Variants in ANO10 observed in about 807,000 individuals in gnomAD.
The protein encoded by ANO10 is anoctamin-10.
ANO10 carries 77 observed loss-of-function variants against 74.7 expected under a neutral mutation model. The ratio of observed to expected loss-of-function variants is 1.03; its 90% confidence interval spans 0.86 to 1.25. The LOEUF (loss-of-function observed/expected upper bound fraction) is 1.25, where lower values mean the gene tolerates loss of function less well. ANO10 is among the 50% of genes most tolerant of loss of function. The pLI, the probability that ANO10 is intolerant of heterozygous loss-of-function variation, is 0.00. For synonymous variants in ANO10, 279 were observed against 284.9 expected (o/e 0.98, Z 0.21); for missense variants, 721 against 778.1 (o/e 0.93, Z 0.87).
Position 43,533,412 on chromosome 3 carries a change from C to G in ANO10, c.1797+16308G>C, listed in dbSNP as rs547383756. Reference sequence around the variant, plus strand: ...TTTTATGCAGCTTATTAAAAAAACACTCGAAAGCTCCCTAATCCAATGCAT... The same window carrying G: ...TTTTATGCAGCTTATTAAAAAAACAGTCGAAAGCTCCCTAATCCAATGCAT... On this transcript the variant is annotated intron_variant, in intron 11 of 12. Transcript: ENST00000292246. Among the ~76,000 whole-genome samples, 7 of 152,298 alleles carry G rather than the reference C, an allele frequency of 4.6e-5. No homozygotes were observed. In the East Asian group the frequency reaches 1.3e-3, roughly 29 times the overall value.
chr3:43,510,858 GT>G (rs2077482695), intron 11 of ANO10, among the ~76,000 whole-genome samples: 1 of 152,044 alleles, frequency 6.6e-6, no homozygotes, highest in Non-Finnish European at 1.5e-5. Context: ...GTCAGCCAGG[GT>G]TTACATTCTG....
chr3:43,580,557 C>G, intron 4 of ANO10, 85 bp from the exon 5 acceptor site: 1 of 1,546,654 alleles, frequency 6.5e-7, no homozygotes, highest in Non-Finnish European at 8.8e-7. Context: ...AAGGACACTC[C>G]ACAGAGGAGT....
intron 11 of ANO10, among the ~76,000 whole-genome samples, chr3:43,451,206 A>G (rs2074852873): frequency 6.6e-6 from 1 of 152,206 alleles, no homozygotes; most frequent in Admixed American, 6.5e-5. Flanking sequence ...GAGATGTCCC[A>G]TCAGAACTGA....
intron 12 of ANO10, among the ~76,000 whole-genome samples, chr3:43,405,778 GTTT>G (rs1243938867): frequency 6.6e-6 from 1 of 152,094 alleles, no homozygotes; most frequent in African/African-American, 2.4e-5. Context: ...CCAGCCTGTA[GTTT>G]TTTTCAAATA....
intron 12 of ANO10, among the ~76,000 whole-genome samples, chr3:43,422,567 C>A (rs1030956387): frequency 7.2e-5 from 11 of 152,138 alleles, no homozygotes; most frequent in African/African-American, 2.7e-4. Context: ...GCATAGTGGC[C>A]CCAAGGCCTT....
intron 12 of ANO10, among the ~76,000 whole-genome samples, chr3:43,420,176 T>C (rs183732711): frequency 3.9e-5 from 6 of 152,368 alleles, no homozygotes; most frequent in African/African-American, 1.4e-4. Context: ...CTGGGCACAG[T>C]GGCTCACGCC....
intron 1 of ANO10, among the ~76,000 whole-genome samples, chr3:43,656,091 T>G (rs1299164910): frequency 6.6e-6 from 1 of 150,548 alleles, no homozygotes; most frequent in Admixed American, 6.6e-5. Flanking sequence ...CTGATTGGTG[T>G]GTTTACAAAC....
intron 4 of ANO10, among the ~76,000 whole-genome samples, chr3:43,596,692 C>T (rs2149469909): frequency 6.6e-6 from 1 of 152,286 alleles, no homozygotes; most frequent in Admixed American, 6.5e-5. Context: ...CCATTCAGGA[C>T]ATAGGCATGG....
At chr3:43,450,746 C>A (rs1334531644) in intron 11 of ANO10, among the ~76,000 whole-genome samples, 2 of 152,176 alleles carry the variant, frequency 1.3e-5, no homozygotes, top group African/African-American at 4.8e-5. Flanking sequence ...AGGTACCCTG[C>A]ACTCTGGAAA....
chr3:43,382,538 T>G (rs1257949115), intron 12 of ANO10, among the ~76,000 whole-genome samples: 1 of 142,626 alleles, frequency 7.0e-6, no homozygotes, highest in East Asian at 2.0e-4. Context: ...AAAAAAGAAA[T>G]AACCAAGATC....
intron 5 of ANO10, among the ~76,000 whole-genome samples, chr3:43,579,526 T>A (rs192120972): frequency 8.5e-4 from 130 of 152,270 alleles, no homozygotes; most frequent in African/African-American, 2.8e-3. Flanking sequence ...GAAACTAGCC[T>A]GGCCAACATG....
chr3:43,652,521 G>T (rs1399201806), intron 1 of ANO10, among the ~76,000 whole-genome samples: 3 of 152,042 alleles, frequency 2.0e-5, no homozygotes, highest in East Asian at 3.9e-4. Context: ...ATAAATCATA[G>T]ATTTAAATAT....
chr3:43,481,092 T>TTA (rs2076252007), intron 11 of ANO10, among the ~76,000 whole-genome samples: 1 of 151,140 alleles, frequency 6.6e-6, no homozygotes, highest in Non-Finnish European at 1.5e-5. Flanking sequence ...CATTCATATT[T>TTA]TATAGTAGAG....
At chr3:43,442,728 GTC>G (rs1165931351) in intron 11 of ANO10, among the ~76,000 whole-genome samples, 1 of 152,182 alleles carries the variant, frequency 6.6e-6, no homozygotes, top group African/African-American at 2.4e-5. Flanking sequence ...TAGCCACACA[GTC>G]TCTGTCACAA....
At chr3:43,419,933 T>A (rs1199615379) in intron 12 of ANO10, among the ~76,000 whole-genome samples, 1 of 152,264 alleles carries the variant, frequency 6.6e-6, no homozygotes, top group Admixed American at 6.5e-5. Flanking sequence ...CTTTAGGTAG[T>A]ATTTAAAAGA....
chr3:43,618,563 C>G (rs538768646), intron 1 of ANO10, among the ~76,000 whole-genome samples: 37 of 152,292 alleles, frequency 2.4e-4, no homozygotes, highest in East Asian at 2.1e-3. Context: ...ACCTTTAAAA[C>G]TGGGACAAGT....
intron 1 of ANO10, among the ~76,000 whole-genome samples, chr3:43,674,792 T>A (rs1268954913): frequency 6.6e-6 from 1 of 152,140 alleles, no homozygotes; most frequent in Non-Finnish European, 1.5e-5. Context: ...TCATCCCAGT[T>A]TGAGTCAGAG....
intron 1 of ANO10, among the ~76,000 whole-genome samples, chr3:43,679,226 C>T (rs1263178306): frequency 1.3e-5 from 2 of 152,204 alleles, no homozygotes; most frequent in Admixed American, 1.3e-4. Flanking sequence ...CCTGAAAAAT[C>T]GGGTCACTCC....
chr3:43,492,610 T>A (rs565422551), intron 11 of ANO10, among the ~76,000 whole-genome samples: 2 of 152,068 alleles, frequency 1.3e-5, no homozygotes, highest in South Asian at 4.1e-4. Flanking sequence ...AACAACCCCA[T>A]CAAAAAATGG....
Sources: gnomAD v4.1 joint callset for allele counts (sites outside exome capture counted in the v4.1 genomes callset) on GRCh38, gnomAD v4.1.1 for gene constraint, MANE v1.5 for transcripts, NCBI Gene and HGNC (gene_info 2026-07-23, HGNC 2026-07-21) for gene names.